The following NCOA7 variants were observed in gnomAD, a reference collection of about 807,000 sequenced individuals.
The protein encoded by NCOA7 is nuclear receptor coactivator 7, also known as 140 kDa estrogen receptor-associated protein.
In NCOA7, 45 loss-of-function variants were observed where a neutral mutation model predicts 104.3. The observed-to-expected ratio is 0.43, with a 90% CI of 0.34 to 0.55. The LOEUF is 0.55. Among genes scored for constraint, NCOA7 ranks in the 20% least tolerant of loss-of-function variants. The pLI, the probability that NCOA7 is intolerant of heterozygous loss-of-function variation, is 0.02. For missense variants in NCOA7, 1,041 were observed against 1,119.7 expected (o/e 0.93, Z 1.00); for synonymous variants, 398 against 402.3 (o/e 0.99, Z 0.13).
At chr6:125,870,137 A>AC (rs1782771429) in intron 3 of NCOA7, among the ~76,000 whole-genome samples, 1 of 151,990 alleles carries the variant, frequency 6.6e-6, no homozygotes, top group Non-Finnish European at 1.5e-5. Flanking sequence ...TGAGACCCCC[A>AC]CCCCAGAGTA....
At chr6:125,783,875 A>G (rs1473650546) in intron 1 of NCOA7, among the ~76,000 whole-genome samples, 1 of 152,230 alleles carries the variant, frequency 6.6e-6, no homozygotes, top group South Asian at 2.1e-4. Flanking sequence ...CATTATTTAA[A>G]TGGAGTTTCC....
chr6:125,890,471 T>C (rs1350075132), intron 9 of NCOA7, among the ~76,000 whole-genome samples, 171 bp from the exon 10 acceptor site: 1 of 152,200 alleles, frequency 6.6e-6, no homozygotes, highest in Non-Finnish European at 1.5e-5. Context: ...AGCTTTTTCC[T>C]TGTGTGCTAA....
At chr6:125,868,170 G>A (rs979933168) in intron 3 of NCOA7, among the ~76,000 whole-genome samples, 1 of 151,944 alleles carries the variant, frequency 6.6e-6, no homozygotes, top group Non-Finnish European at 1.5e-5. Context: ...TGTTTAATTC[G>A]TCAAATGCTT....
At chr6:125,890,064 A>G (rs1784522488) in intron 9 of NCOA7, 83 bp downstream of exon 9, 1 of 1,030,554 alleles carries the variant, frequency 9.7e-7, no homozygotes, top group Admixed American at 2.7e-5. Context: ...CCACATTAGT[A>G]CATTTATTTG....
Position 125,890,819 on chromosome 6 carries a change from G to C in NCOA7, c.2096+9G>C, listed in dbSNP as rs1784571997. On this transcript the variant is annotated intron_variant, in intron 10 of 15. Coordinates refer to ENST00000392477, the MANE Select transcript of NCOA7 (RefSeq NM_181782.5). ...GCTGTTCCTCGGGAGAGGTGAGTAT[G>C]GGCTACAATGGAAAGTCTGTGGGTC... 1.2e-5 allele frequency: 19 copies of C among 1,568,884 alleles called. No individual in the cohort carries two copies. The highest frequency in any genetic ancestry group is 1.6e-5 in the Non-Finnish European group (19 of 1,157,786).
chr6:125,927,946 G>A (rs1224912754), intron 14 of NCOA7, among the ~76,000 whole-genome samples, 188 bp downstream of exon 14: 1 of 152,202 alleles, frequency 6.6e-6, no homozygotes, highest in Non-Finnish European at 1.5e-5. Context: ...CTCAGGCTGG[G>A]ATCCAGAGAG....
intron 10 of NCOA7, among the ~76,000 whole-genome samples, chr6:125,907,563 A>G (rs1168109362): frequency 1.3e-5 from 2 of 152,214 alleles, no homozygotes; most frequent in Non-Finnish European, 2.9e-5. Context: ...TTATTAATGA[A>G]ACCTAAAGCC....
At chr6:125,888,684 G>A (rs1784419369) in intron 8 of NCOA7, among the ~76,000 whole-genome samples, 1 of 152,036 alleles carries the variant, frequency 6.6e-6, no homozygotes. Context: ...ATTCCATCAT[G>A]TGCTTCCAGT....
At chr6:125,884,079 G>T (rs987373332) in intron 7 of NCOA7, among the ~76,000 whole-genome samples, 1 of 152,120 alleles carries the variant, frequency 6.6e-6, no homozygotes, top group African/African-American at 2.4e-5. Context: ...AGCTTCTTTA[G>T]ATTGCACATA....
chr6:125,813,141 G>GA (rs2128568402), intron 1 of NCOA7, among the ~76,000 whole-genome samples: 1 of 152,334 alleles, frequency 6.6e-6, no homozygotes, highest in East Asian at 1.9e-4. Context: ...TTGGGGATGA[G>GA]AAAATTAGTT....
At chr6:125,921,270 C>G (rs146395680) in intron 12 of NCOA7, among the ~76,000 whole-genome samples, 19 of 152,088 alleles carry the variant, frequency 1.2e-4, no homozygotes, top group Admixed American at 7.2e-4. Flanking sequence ...ATTGGCCGGG[C>G]GTGATGGCAC....
intron 3 of NCOA7, among the ~76,000 whole-genome samples, chr6:125,872,095 A>T (rs1488053074): frequency 1.3e-5 from 2 of 151,650 alleles, no homozygotes; most frequent in African/African-American, 2.4e-5. Flanking sequence ...CTCTGAAGGG[A>T]AGGCGTTTTT....
chr6:125,830,573 C>T (rs922663073), intron 2 of NCOA7, among the ~76,000 whole-genome samples: 2 of 151,844 alleles, frequency 1.3e-5, no homozygotes, highest in Non-Finnish European at 2.9e-5. Context: ...GCCTGTAGTC[C>T]CAGTTACTGG....
chr6:125,924,047 G>A (rs1213073534), intron 13 of NCOA7, among the ~76,000 whole-genome samples: 1 of 152,152 alleles, frequency 6.6e-6, no homozygotes, highest in Non-Finnish European at 1.5e-5. Context: ...CAAGCTGAAA[G>A]GTGGGTAGAG....
At chr6:125,836,290 C>T (rs1171329922) in intron 2 of NCOA7, among the ~76,000 whole-genome samples, 4 of 152,108 alleles carry the variant, frequency 2.6e-5, no homozygotes, top group African/African-American at 9.7e-5. Context: ...TATGAATTTT[C>T]ATTTTTGCTG....
chr6:125,930,939 A>T lies in NCOA7; in HGVS notation c.*2168A>T, dbSNP rs1169219392. Reference sequence around the variant, plus strand: ...GTCATTTTGCATATACTTCACTCTGACCTAGTTTAGTCCATGATACTATAA... The same window carrying T: ...GTCATTTTGCATATACTTCACTCTGTCCTAGTTTAGTCCATGATACTATAA... On this transcript the variant is annotated 3_prime_UTR_variant, in exon 16 of 16. Transcript: ENST00000392477. The T allele has an allele frequency of 6.6e-6, 1 of 152,652 alleles. No homozygotes were observed. The highest frequency in any genetic ancestry group is 1.9e-4 in the East Asian group (1 of 5,198). The allele number at this position is 152,652 out of a possible 1,614,324, so 9.5% of individuals were successfully genotyped here. A position where few individuals can be genotyped will look rare whatever the true frequency, so the allele number is the denominator to read the frequency against.
intron 12 of NCOA7, 99 bp from the exon 13 acceptor site, chr6:125,922,583 G>A: frequency 2.2e-6 from 3 of 1,384,708 alleles, no homozygotes; most frequent in Non-Finnish European, 3.0e-6. Context: ...GTGAGTGTAT[G>A]ATACTGAGTT....
upstream of NCOA7, among the ~76,000 whole-genome samples, chr6:125,789,859 A>G (rs1034887297): frequency 1.3e-5 from 2 of 152,202 alleles, no homozygotes; most frequent in African/African-American, 4.8e-5. Flanking sequence ...CACACTGTTA[A>G]CAGAGTAGTT....
At chr6:125,902,112 G>T (rs939174002) in intron 10 of NCOA7, among the ~76,000 whole-genome samples, 1 of 152,028 alleles carries the variant, frequency 6.6e-6, no homozygotes, top group African/African-American at 2.4e-5. Flanking sequence ...GTAACATTTG[G>T]GGGGAAAAAC....
Sources: gnomAD v4.1 joint callset for allele counts (sites outside exome capture counted in the v4.1 genomes callset) on GRCh38, gnomAD v4.1.1 for gene constraint, MANE v1.5 for transcripts, NCBI Gene and HGNC (gene_info 2026-07-23, HGNC 2026-07-21) for gene names.